Variants in DSG3 observed in about 807,000 individuals in gnomAD.
The protein encoded by DSG3 is desmoglein 3.
Under a neutral mutation model 85.9 loss-of-function variants are expected in DSG3, and 63 were observed. The observed-to-expected ratio is 0.73, with a 90% confidence interval of 0.60 to 0.90. DSG3 has a LOEUF of 0.90. DSG3 is among the 40% of genes least tolerant of loss of function. The pLI is 0.00. For synonymous variants in DSG3, 447 were observed against 441.9 expected (o/e 1.01, Z -0.14); for missense variants, 1,220 against 1,219.9 (o/e 1.00, Z 0.00).
chr18:31,465,907 C>T lies in DSG3; in HGVS notation c.1411+450C>T, dbSNP rs971509655. Among the ~76,000 whole-genome samples the T allele has an allele frequency of 2.6e-5, 4 of 151,744 alleles. No individual in the cohort carries two copies. The East Asian group carries it at 7.7e-4, about 29-fold the overall frequency. ...TATTCATTGAGTGTATGTGTTTCCC[C>T]AAGTATAAAATTAATTTATGTTGAA... is the stretch of plus-strand genomic sequence containing the variant. On this transcript the variant is annotated intron_variant, in intron 10 of 15. Coordinates refer to ENST00000257189, the MANE Select transcript of DSG3 (RefSeq NM_001944.3).
chr18:31,458,903 A>G, intron 4 of DSG3, 130 bp from the exon 5 acceptor site: 3 of 1,207,236 alleles, frequency 2.5e-6, no homozygotes, highest in African/African-American at 1.6e-5. Flanking sequence ...CACTTTGTCT[A>G]CCCTTTGGGG....
intron 12 of DSG3, among the ~76,000 whole-genome samples, chr18:31,470,511 G>T (rs2072849233): frequency 6.6e-6 from 1 of 151,936 alleles, no homozygotes; most frequent in African/African-American, 2.4e-5. Flanking sequence ...CAGAGATTTG[G>T]TTTTTCAATA....
Position 31,466,596 on chromosome 18 carries a change from C to T in DSG3, c.1478C>T (p.Pro493Leu), listed in dbSNP as rs2072820134. Residue 493 changes from proline (P) to leucine (L), a missense_variant, in exon 11 of 16, where the codon CCA becomes CTA. Pro to Leu is a moderately conservative substitution (Grantham distance 98). Transcript: ENST00000257189. ...VRVPDFNDNCPTAVLEKDAVC... is the reference protein window; with the variant it reads ...VRVPDFNDNCLTAVLEKDAVC... ...GTACCCGATTTCAATGACAATTGTC[C>T]AACAGCTGTCCTCGAAAAAGATGCA... 3 of 1,614,178 alleles carry T rather than the reference C, an allele frequency of 1.9e-6. No homozygotes were observed. Among genetic ancestry groups the T allele is most frequent in the Non-Finnish European group, 1.7e-6 (2 of 1,180,034 alleles).
chr18:31,450,100 C>T (rs747994206), intron 1 of DSG3, among the ~76,000 whole-genome samples: 40 of 152,196 alleles, frequency 2.6e-4, no homozygotes, highest in Middle Eastern at 3.4e-3. Flanking sequence ...ATATGTGGTT[C>T]GCATTTGTGG....
At chr18:31,463,033 T>C (rs1391776444) in intron 8 of DSG3, among the ~76,000 whole-genome samples, 1 of 152,152 alleles carries the variant, frequency 6.6e-6, no homozygotes, top group African/African-American at 2.4e-5. Flanking sequence ...CAGGTGACTC[T>C]ACAGTCAGCC....
Position 31,469,299 on chromosome 18 carries a change from T to A in DSG3, c.1847T>A (p.Leu616Gln). 1 of 1,613,810 alleles carries A rather than the reference T, an allele frequency of 6.2e-7. No homozygotes were observed. Among genetic ancestry groups the A allele is most frequent in the Non-Finnish European group, 8.5e-7 (1 of 1,180,028 alleles). The stretch of plus-strand genomic sequence containing the variant: ...TATGGCAGGCCGCACTCAGGGAGGC[T>A]GGGGCCTGCCGCCATCGGCCTGCTG... ...TRYGRPHSGRLGPAAIGLLLL... is the reference protein window; with the variant it reads ...TRYGRPHSGRQGPAAIGLLLL... Residue 616 changes from leucine to glutamine, a missense_variant, in exon 12 of 16, where the codon CTG (leucine) becomes CAG (glutamine). Coordinates refer to ENST00000257189, the MANE Select transcript of DSG3 (RefSeq NM_001944.3).
intron 9 of DSG3, among the ~76,000 whole-genome samples, chr18:31,464,827 C>A (rs759275680): frequency 6.6e-6 from 1 of 152,104 alleles, no homozygotes; most frequent in African/African-American, 2.4e-5. Context: ...TTGTGCATAG[C>A]AGATATGCTT....
intron 15 of DSG3, among the ~76,000 whole-genome samples, chr18:31,474,750 G>A (rs771596931): frequency 3.9e-5 from 6 of 152,078 alleles, no homozygotes; most frequent in African/African-American, 1.4e-4. Context: ...GTGAGACCTC[G>A]TCTCTAAAAT....
At chr18:31,454,620 C>T (rs565068978) in intron 1 of DSG3, among the ~76,000 whole-genome samples, 1 of 151,708 alleles carries the variant, frequency 6.6e-6, no homozygotes, top group African/African-American at 2.4e-5. Context: ...TAGTCTTTTG[C>T]CAAATAGAAA....
chr18:31,457,213 T>A, intron 3 of DSG3, 89 bp downstream of exon 3: 2 of 1,376,740 alleles, frequency 1.5e-6, no homozygotes, highest in Non-Finnish European at 2.0e-6. Context: ...AATAACAAAA[T>A]GAAGACTGGG....
chr18:31,459,167 T>C lies in DSG3; in HGVS notation c.507T>C (p.Asn169=). 1 of 1,611,938 alleles carries C rather than the reference T, an allele frequency of 6.2e-7. No individual in the cohort carries two copies. Among genetic ancestry groups the C allele is most frequent in the Non-Finnish European group, 8.5e-7 (1 of 1,179,764 alleles). The change falls in exon 5 of 16, where the codon AAT becomes AAC. Residue 169 remains asparagine, a synonymous_variant. Transcript: ENST00000257189. ...TTTTCATGGGTGAAATTGAAGAAAATAGTGCCTCAAGTAAGTCTTTTACAG... is the reference window on the plus strand; with the variant it reads ...TTTTCATGGGTGAAATTGAAGAAAACAGTGCCTCAAGTAAGTCTTTTACAG... ...QQIFMGEIEE[N]SASNSLVMIL...
intron 1 of DSG3, among the ~76,000 whole-genome samples, chr18:31,450,115 T>G (rs2072702485): frequency 6.6e-6 from 1 of 152,244 alleles, no homozygotes; most frequent in South Asian, 2.1e-4. Context: ...TTGTGGTTTT[T>G]AGCTTTCTAT....
chr18:31,448,164 TTTAG>T (rs1409641804), intron 1 of DSG3, among the ~76,000 whole-genome samples: 8 of 152,368 alleles, frequency 5.3e-5, no homozygotes, highest in African/African-American at 9.6e-5. Flanking sequence ...TAGAATTTTT[TTTAG>T]TTAATGAATT....
chr18:31,476,334 G>A lies in DSG3; in HGVS notation c.*74G>A. The A allele has an allele frequency of 2.6e-6, 4 of 1,513,152 alleles. No individual in the cohort carries two copies. The highest frequency in any genetic ancestry group is 3.6e-6 in the Non-Finnish European group (4 of 1,126,696). 93.7% of individuals were successfully genotyped at this position (1,513,152 alleles called of 1,614,324 possible). A position where few individuals can be genotyped will look rare whatever the true frequency, so the allele number is the denominator to read the frequency against. Reference sequence around the variant, plus strand: ...AAAGTATTCAAAATAGCATAGCAAAGCTCACTGTATTGGGCTAATAATTTG... The same window carrying A: ...AAAGTATTCAAAATAGCATAGCAAAACTCACTGTATTGGGCTAATAATTTG... On this transcript the variant is annotated 3_prime_UTR_variant, in exon 16 of 16. Coordinates refer to ENST00000257189, the MANE Select transcript of DSG3 (RefSeq NM_001944.3).
At chr18:31,460,085 A>G in intron 6 of DSG3, 74 bp downstream of exon 6, 3 of 1,456,504 alleles carry the variant, frequency 2.1e-6, no homozygotes, top group Non-Finnish European at 2.8e-6. Flanking sequence ...AGGTGACTCC[A>G]TTTTACCCGA....
In DSG3 at chr18:31,474,420, A is replaced by C. The variant is rs763826611; in HGVS notation, c.2385+16A>C. The C allele has an allele frequency of 4.4e-6, 7 of 1,586,588 alleles. No homozygotes were observed. Among genetic ancestry groups the C allele is most frequent in the Non-Finnish European group, 6.0e-6 (7 of 1,163,798 alleles). On this transcript the variant is annotated intron_variant, in intron 15 of 15. Transcript: ENST00000257189. ...CTTTTCTCAGGTAATTTGGTGAAAAACTTTGTGGCTTGATTATCTTATTTA... is the reference window on the plus strand; with the variant it reads ...CTTTTCTCAGGTAATTTGGTGAAAACCTTTGTGGCTTGATTATCTTATTTA...
chr18:31,460,778 C>T, intron 6 of DSG3, 55 bp from the exon 7 acceptor site: 2 of 1,448,966 alleles, frequency 1.4e-6, no homozygotes, highest in Non-Finnish European at 9.3e-7. Context: ...CAAGTAGTTT[C>T]CATTTATAAT....
At position 31,462,508 on chromosome 18, in the gene DSG3, G is replaced by C. The variant is rs192274146; in HGVS notation, c.999+1096G>C. On this transcript the variant is annotated intron_variant, in intron 8 of 15. Coordinates refer to ENST00000257189, the MANE Select transcript of DSG3 (RefSeq NM_001944.3). Reference sequence around the variant, plus strand: ...CAGTCCTTTGTTACTGTACTCTTTGGGACAAGTGCCACAGCCATCCCCACT... The same window carrying C: ...CAGTCCTTTGTTACTGTACTCTTTGCGACAAGTGCCACAGCCATCCCCACT... 2.9e-3 allele frequency among the ~76,000 whole-genome samples: 440 copies of C among 152,184 alleles called. 3 individuals are homozygous for C. Among genetic ancestry groups the C allele is most frequent in the African/African-American group, 9.9e-3 (410 of 41,510 alleles).
chr18:31,459,981 C>T lies in DSG3; in HGVS notation c.654C>T (p.Val218=), dbSNP rs142808551. 441 of 1,613,978 alleles carry T rather than the reference C, an allele frequency of 2.7e-4. No homozygotes were observed. The highest frequency in any genetic ancestry group is 9.9e-4 in the Middle Eastern group (6 of 6,062). ...TCCTAAGCAGAAACACTGGGGAAGT[C>T]CGTACTTTGACCAATTCTCTTGACC... The part of the protein sequence containing the change: ...MFLLSRNTGE[V]RTLTNSLDRE... Residue 218 remains valine, a synonymous_variant, in exon 6 of 16, where the codon GTC becomes GTT. Transcript: ENST00000257189.
Sources: allele counts gnomAD v4.1 joint callset (sites outside exome capture counted in the v4.1 genomes callset), GRCh38; gene constraint gnomAD v4.1.1; transcripts MANE v1.5; gene names NCBI Gene and HGNC (gene_info 2026-07-23, HGNC 2026-07-21).